MYRF: variants seen among roughly 807,000 people sequenced by gnomAD.
MYRF encodes the protein myelin gene regulatory factor.
In MYRF, 16 loss-of-function variants were observed where a neutral mutation model predicts 126.3. The ratio of observed to expected loss-of-function variants is 0.13; its 90% CI spans 0.09 to 0.19. The LOEUF is 0.19. Among genes scored for constraint, MYRF ranks in the 10% least tolerant of loss-of-function variants. The pLI, the probability that MYRF is intolerant of heterozygous loss-of-function variation, is 1.00. For missense variants in MYRF, 1,104 were observed against 1,547.0 expected (o/e 0.71, Z 4.80); for synonymous variants, 608 against 635.3 (o/e 0.96, Z 0.65).
chr11:61,765,023 G>T, intron 1 of MYRF, among the ~76,000 whole-genome samples: 1 of 152,284 alleles, frequency 6.6e-6, no homozygotes, highest in Non-Finnish European at 1.5e-5. Flanking sequence ...CCCCACTCCC[G>T]CCTGCGGCCA....
intron 1 of MYRF, among the ~76,000 whole-genome samples, chr11:61,756,616 AGGGGTGG>A (rs935198814): frequency 3.2e-5 from 3 of 94,858 alleles, no homozygotes; most frequent in Non-Finnish European, 6.1e-5. Context: ...AGTGCAGGGC[AGGGGTGG>A]GGGGTGGGCA....
intron 8 of MYRF, among the ~76,000 whole-genome samples, chr11:61,775,829 G>A (rs1032079026): frequency 1.3e-5 from 2 of 151,790 alleles, no homozygotes; most frequent in African/African-American, 4.8e-5. Flanking sequence ...AGAAGTTGGG[G>A]GAGTGGTATG....
In MYRF at chr11:61,774,080, T is replaced by C. The variant is rs1373107795; in HGVS notation, c.1229T>C (p.Met410Thr). 6.2e-7 allele frequency: 1 copy of C among 1,613,910 alleles called. No individual in the cohort carries two copies. The highest frequency in any genetic ancestry group is 8.5e-7 in the Non-Finnish European group (1 of 1,180,002). ...TTCCAGGTGACAGTGTACATCGGCATGCTGGGCGAGCCCAAGTACGTCAAG... is the reference window on the plus strand; with the variant it reads ...TTCCAGGTGACAGTGTACATCGGCACGCTGGGCGAGCCCAAGTACGTCAAG... ...NHFQVTVYIG[M>T]LGEPKYVKTP... is the part of the protein sequence containing the mutation. The change falls in exon 8 of 27, where the codon ATG (methionine) becomes ACG (threonine). Residue 410 changes from methionine (M) to threonine (T), a missense_variant. Transcript: ENST00000278836.
At chr11:61,774,612 G>A (rs949302944) in intron 8 of MYRF, among the ~76,000 whole-genome samples, 7 of 131,452 alleles carry the variant, frequency 5.3e-5, no homozygotes, top group South Asian at 2.7e-4. Flanking sequence ...CTGCCACCCC[G>A]CCCTCCCGCC....
chr11:61,784,169 G>T (rs768022027), intron 24 of MYRF, 111 bp from the exon 25 acceptor site: 4 of 1,082,320 alleles, frequency 3.7e-6, no homozygotes, highest in Admixed American at 2.1e-5. Flanking sequence ...GTTATTATGC[G>T]GTGTTTCAGG....
At chr11:61,755,843 G>T in intron 1 of MYRF, 4 of 460,878 alleles carry the variant, frequency 8.7e-6, no homozygotes, top group South Asian at 6.5e-5. Context: ...TTGGAGGATG[G>T]AGGGAAGTCG....
Position 61,766,067 on chromosome 11 carries a change from C to A in MYRF, c.244C>A (p.Pro82Thr). 1 of 1,604,544 alleles carries A rather than the reference C, an allele frequency of 6.2e-7. No individual in the cohort carries two copies. ...VHHLSPPGGG[P>T]SPGRHGPLPP... ...CCACCTGAGCCCCCCTGGGGGTGGA[C>A]CCTCCCCGGGGCGCCATGGTCCCCT... The change falls in exon 3 of 27, where the codon CCC (proline) becomes ACC (threonine). Residue 82 changes from proline (P) to threonine (T), a missense_variant. Transcript: ENST00000278836.
chr11:61,774,274 C>A, intron 8 of MYRF, 112 bp downstream of exon 8: 1 of 1,025,554 alleles, frequency 9.8e-7, no homozygotes, highest in Non-Finnish European at 1.4e-6. Context: ...CCTGTAATCC[C>A]AGCACTTTGG....
At chr11:61,779,090 G>A in intron 14 of MYRF, 173 bp from the exon 15 acceptor site, 3 of 669,774 alleles carry the variant, frequency 4.5e-6, no homozygotes, top group South Asian at 1.8e-5. Flanking sequence ...GGAGCTGTGG[G>A]AGCCGAGGCT....
At chr11:61,773,848 G>A in intron 7 of MYRF, 119 bp from the exon 8 acceptor site, 2 of 788,950 alleles carry the variant, frequency 2.5e-6, no homozygotes, top group South Asian at 1.8e-5. Flanking sequence ...CCGCATTGGT[G>A]GTTTGAGGAT....
rs771752429 is a variant in MYRF at position 61,777,234 on chromosome 11, C to A, written c.1591-30C>A. ...CCCTGCAGGTCCCCTCCCTATCCCC[C>A]AGGACTGATCCAGCCCCAACTCGCG... On this transcript the variant is annotated intron_variant, in intron 11 of 26. Transcript: ENST00000278836. This position sits in a 1 kb window ranked among gnomAD's most constrained non-coding sequence, Gnocchi z 8.8. The A allele has an allele frequency of 6.2e-7, 1 of 1,603,910 alleles. No individual in the cohort carries two copies. The highest frequency in any genetic ancestry group is 8.5e-7 in the Non-Finnish European group (1 of 1,177,222).
chr11:61,759,922 G>T (rs1034041835), intron 1 of MYRF, among the ~76,000 whole-genome samples: 1 of 152,168 alleles, frequency 6.6e-6, no homozygotes, highest in African/African-American at 2.4e-5. Flanking sequence ...TTTTGACTAA[G>T]ACGGCTCTGG....
Position 61,785,844 on chromosome 11 carries a change from A to T in MYRF, c.3345A>T (p.Glu1115Asp). The change falls in exon 26 of 27, where the codon GAA becomes GAT. Residue 1115 changes from glutamate (E) to aspartate (D), a missense_variant. Glu to Asp is a conservative substitution (Grantham distance 45). Transcript: ENST00000278836. ...RWPITILSFREFTYHFRVALL... is the reference protein window; with the variant it reads ...RWPITILSFRDFTYHFRVALL... ...CAATAACCATCCTGTCCTTCCGTGA[A>T]TTCACCTACCACTTCCGGGTGGCAC... is the stretch of plus-strand genomic sequence containing the variant. 8 of 1,614,066 alleles carry T rather than the reference A, an allele frequency of 5.0e-6. No homozygotes were observed. Among genetic ancestry groups the T allele is most frequent in the Non-Finnish European group, 6.8e-6 (8 of 1,180,006 alleles).
chr11:61,770,927 C>G (rs1341221121), intron 5 of MYRF, among the ~76,000 whole-genome samples: 1 of 152,154 alleles, frequency 6.6e-6, no homozygotes, highest in African/African-American at 2.4e-5. Context: ...ACCCAAGCCC[C>G]CGACTCTGAC....
At position 61,776,797 on chromosome 11, in the gene MYRF, C is replaced by A; in HGVS notation, c.1510C>A (p.Leu504Met). 6.2e-7 allele frequency: 1 copy of A among 1,601,278 alleles called. No individual in the cohort carries two copies. Among genetic ancestry groups the A allele is most frequent in the Non-Finnish European group, 8.5e-7 (1 of 1,174,258 alleles). ...CCCTGTGTGTCCCAGGTACTTCATGCTGGTGGTGGCCCTCCAGGCTCATGC... is the reference window on the plus strand; with the variant it reads ...CCCTGTGTGTCCCAGGTACTTCATGATGGTGGTGGCCCTCCAGGCTCATGC... ...KPNPDQRYFM[L>M]VVALQAHAQN... The change falls in exon 11 of 27, where the codon CTG (leucine) becomes ATG (methionine). Residue 504 changes from leucine (L) to methionine (M), a missense_variant. Transcript: ENST00000278836. This position sits in a 1 kb window ranked among gnomAD's most constrained non-coding sequence, Gnocchi z 4.3.
intron 5 of MYRF, among the ~76,000 whole-genome samples, chr11:61,771,153 G>T (rs893005088): frequency 6.6e-6 from 1 of 152,186 alleles, no homozygotes; most frequent in Non-Finnish European, 1.5e-5. Context: ...ACTATAAAGG[G>T]TGACCTTGAG....
chr11:61,782,888 T>G (rs1479474338), intron 22 of MYRF: 2 of 152,586 alleles, frequency 1.3e-5, no homozygotes, highest in African/African-American at 4.8e-5. Context: ...CAGCAAATGT[T>G]CAGCGGCCCC....
At chr11:61,771,471 C>T in intron 5 of MYRF, 29 bp from the exon 6 acceptor site, 1 of 1,596,778 alleles carries the variant, frequency 6.3e-7, no homozygotes, top group Non-Finnish European at 8.5e-7. Context: ...GAGAGCCAGC[C>T]CCCACGGCGC....
At position 61,776,664 on chromosome 11, in the gene MYRF, G is replaced by A. The variant is rs1192408711; in HGVS notation, c.1500-123G>A. On this transcript the variant is annotated intron_variant, in intron 10 of 26. Transcript: ENST00000278836. The surrounding 1 kb of genome is among the most constrained non-coding windows in gnomAD (Gnocchi z 4.3). ...GGGCCCTGGGGAATTTCTGCCCCCT[G>A]GTGGAGGCTCGGGTTCCTCCTCTGT... 7.1e-6 allele frequency: 6 copies of A among 841,098 alleles called. No homozygotes were observed. Among genetic ancestry groups the A allele is most frequent in the Admixed American group, 5.7e-5 (2 of 35,244 alleles). 52.1% of individuals were successfully genotyped at this position (841,098 alleles called of 1,614,324 possible). A position where few individuals can be genotyped will look rare whatever the true frequency, so the allele number is the denominator to read the frequency against.
Sources: gnomAD v4.1 joint callset for allele counts (sites outside exome capture counted in the v4.1 genomes callset) on GRCh38, gnomAD v4.1.1 for gene constraint, Gnocchi (gnomAD v3.1) non-coding constraint, MANE v1.5 for transcripts, NCBI Gene and HGNC (gene_info 2026-07-23, HGNC 2026-07-21) for gene names.